Variants in COL3A1 observed in about 807,000 individuals in gnomAD.
COL3A1 encodes the protein collagen alpha-1(III) chain.
In COL3A1, 46 loss-of-function variants were observed where a neutral mutation model predicts 200.9. The ratio of observed to expected loss-of-function variants is 0.23; its 90% CI spans 0.18 to 0.29. The LOEUF (loss-of-function observed/expected upper bound fraction) is 0.29. COL3A1 is among the 10% of genes least tolerant of loss of function. The pLI is 1.00. For synonymous variants in COL3A1, 650 were observed against 628.0 expected (o/e 1.03, Z -0.52); for missense variants, 1,367 against 1,917.6 (o/e 0.71, Z 5.36).
intron 1 of COL3A1, among the ~76,000 whole-genome samples, chr2:188,979,072 A>G (rs1295115464): frequency 6.6e-6 from 1 of 152,024 alleles, no homozygotes; most frequent in African/African-American, 2.4e-5. Flanking sequence ...TTGAAAGAGG[A>G]CGAGTCAAAA....
At chr2:188,998,108 C>T (rs1424496825) in intron 27 of COL3A1, among the ~76,000 whole-genome samples, 158 bp from the exon 28 acceptor site, 3 of 152,150 alleles carry the variant, frequency 2.0e-5, no homozygotes, top group African/African-American at 4.8e-5. Context: ...ATGATTATCA[C>T]GTATGTGTCA....
intron 32 of COL3A1, among the ~76,000 whole-genome samples, chr2:189,000,883 A>G (rs1415127700): frequency 1.3e-5 from 2 of 152,202 alleles, no homozygotes; most frequent in Non-Finnish European, 1.5e-5. Flanking sequence ...TAGTTGCCTT[A>G]AAGAAATTCA....
At chr2:188,983,143 A>T (rs547957539) in intron 1 of COL3A1, among the ~76,000 whole-genome samples, 16 of 152,060 alleles carry the variant, frequency 1.1e-4, no homozygotes, top group African/African-American at 3.9e-4. Flanking sequence ...GTATATAGAA[A>T]ATATATCCCA....
chr2:188,995,544 A>G (rs1576465876), intron 21 of COL3A1, 148 bp from the exon 22 acceptor site: 1 of 624,342 alleles, frequency 1.6e-6, no homozygotes, highest in Admixed American at 3.0e-5. Context: ...CCAAGCTAAG[A>G]TAACTGATTT....
chr2:188,987,035 T>C, intron 4 of COL3A1, 24 bp from the exon 5 acceptor site: 1 of 1,583,354 alleles, frequency 6.3e-7, no homozygotes, highest in Non-Finnish European at 8.7e-7. Context: ...AAAATGATCA[T>C]ATCTATTTGT....
At chr2:189,006,895 T>A in intron 43 of COL3A1, 42 bp from the exon 44 acceptor site, 2 of 1,600,272 alleles carry the variant, frequency 1.2e-6, no homozygotes, top group Non-Finnish European at 1.7e-6. Flanking sequence ...CACATAAAAC[T>A]AGTTCCGTGT....
At chr2:189,000,046 T>C (rs1688422585) in intron 32 of COL3A1, 151 bp downstream of exon 32, 1 of 796,654 alleles carries the variant, frequency 1.3e-6, no homozygotes, top group African/African-American at 1.7e-5. Flanking sequence ...ATAATGAAAT[T>C]TGTGGTCTAT....
At position 189,004,319 on chromosome 2, in the gene COL3A1, A is replaced by C. The variant is rs1475088202; in HGVS notation, c.2886A>C (p.Pro962=). The change falls in exon 40 of 51, where the codon CCA becomes CCC. Residue 962 remains proline, a synonymous_variant. Coordinates refer to ENST00000304636, the MANE Select transcript of COL3A1 (RefSeq NM_000090.4). ...GAGCACGGGGTCTTGCAGGACCACC[A>C]GGCATGCCAGGTCCTAGGGGAAGCC... is the stretch of plus-strand genomic sequence containing the variant. ...ITGARGLAGP[P]GMPGPRGSPG... 1 of 1,607,312 alleles carries C rather than the reference A, an allele frequency of 6.2e-7. No individual in the cohort carries two copies. Among genetic ancestry groups the C allele is most frequent in the South Asian group, 1.1e-5 (1 of 88,940 alleles).
chr2:188,996,256 G>GTGTGTGTGTGTGTATA (rs1688308334), intron 23 of COL3A1, 78 bp downstream of exon 23: 1 of 980,666 alleles, frequency 1.0e-6, no homozygotes, highest in African/African-American at 2.2e-5. Flanking sequence ...TTGAGTGTGT[G>GTGTGTGTGTGTGTATA]TGTGTGTGTG....
chr2:188,988,970 A>T (rs72912634), intron 7 of COL3A1, among the ~76,000 whole-genome samples: 1 of 151,750 alleles, frequency 6.6e-6, no homozygotes, highest in African/African-American at 2.4e-5. Context: ...TGATAAATAT[A>T]GTTATATATT....
At chr2:188,988,694 C>G (rs1412874577) in intron 7 of COL3A1, 51 bp downstream of exon 7, 1 of 1,277,178 alleles carries the variant, frequency 7.8e-7, no homozygotes, top group Non-Finnish European at 1.1e-6. Context: ...CCATATGGAA[C>G]CTACCTTTGT....
intron 32 of COL3A1, among the ~76,000 whole-genome samples, chr2:189,000,511 G>A (rs1330494966): frequency 1.3e-5 from 2 of 152,160 alleles, no homozygotes; most frequent in Non-Finnish European, 2.9e-5. Flanking sequence ...CATGACACAA[G>A]GGAGTCTTAT....
intron 3 of COL3A1, among the ~76,000 whole-genome samples, 157 bp downstream of exon 3, chr2:188,985,404 G>A (rs1047199768): frequency 6.6e-6 from 1 of 151,888 alleles, no homozygotes; most frequent in Non-Finnish European, 1.5e-5. Flanking sequence ...ATAATTGTAC[G>A]TGTAAAGATT....
At chr2:189,010,487 G>A in intron 49 of COL3A1, 122 bp downstream of exon 49, 1 of 1,477,006 alleles carries the variant, frequency 6.8e-7, no homozygotes, top group Non-Finnish European at 9.4e-7. Context: ...TTTTGCTACT[G>A]AAAGTGATGG....
At chr2:188,978,301 C>CT (rs1687869229) in intron 1 of COL3A1, 1 of 167,566 alleles carries the variant, frequency 6.0e-6, no homozygotes, top group Non-Finnish European at 1.4e-5. Flanking sequence ...GGATTGATGT[C>CT]TTATCTACAG....
intron 1 of COL3A1, among the ~76,000 whole-genome samples, chr2:188,976,103 A>G (rs150347140): frequency 8.8e-4 from 134 of 151,414 alleles, no homozygotes; most frequent in Non-Finnish European, 1.5e-3. Context: ...TTCCCAGGAG[A>G]TGCTACAACT....
chr2:188,989,119 C>T (rs1016951157), intron 7 of COL3A1, among the ~76,000 whole-genome samples: 1 of 129,120 alleles, frequency 7.7e-6, no homozygotes, highest in African/African-American at 4.2e-5. Flanking sequence ...TTTAGAAATA[C>T]CTTTATATTT....
intron 1 of COL3A1, among the ~76,000 whole-genome samples, chr2:188,984,208 A>G (rs1294383342): frequency 6.6e-6 from 1 of 152,064 alleles, no homozygotes; most frequent in East Asian, 1.9e-4. Context: ...TAGAGCTAAC[A>G]GTGACATTCA....
At chr2:189,004,230 G>A in intron 39 of COL3A1, 27 bp from the exon 40 acceptor site, 1 of 1,601,400 alleles carries the variant, frequency 6.2e-7, no homozygotes. Context: ...ACATAAAGAT[G>A]AGCTAAGTCT....
Sources: gnomAD v4.1 joint callset for allele counts (sites outside exome capture counted in the v4.1 genomes callset) on GRCh38, gnomAD v4.1.1 for gene constraint, MANE v1.5 for transcripts, NCBI Gene and HGNC (gene_info 2026-07-23, HGNC 2026-07-21) for gene names.